Variants in PGRMC2 observed in about 807,000 individuals in gnomAD.
PGRMC2 encodes the protein progesterone receptor membrane component 2.
Under a neutral mutation model 19.3 loss-of-function variants are expected in PGRMC2, and 9 were observed. The observed-to-expected ratio is 0.47, with a 90% CI of 0.28 to 0.81. PGRMC2 has a LOEUF of 0.81. Among genes scored for constraint, PGRMC2 ranks in the 40% least tolerant of loss-of-function variants. The pLI, the probability that PGRMC2 is intolerant of heterozygous loss-of-function variation, is 0.11. For synonymous variants in PGRMC2, 157 were observed against 124.6 expected (o/e 1.26, Z -1.73); for missense variants, 289 against 297.3 (o/e 0.97, Z 0.21).
At chr4:128,279,389 A>C (rs1357790310) in intron 1 of PGRMC2, among the ~76,000 whole-genome samples, 2 of 152,240 alleles carry the variant, frequency 1.3e-5, no homozygotes, top group African/African-American at 2.4e-5. Context: ...AAAGACCAAG[A>C]AGCTTAATAC....
At position 128,287,804 on chromosome 4, in the gene PGRMC2, C is replaced by G. The variant is rs755079553; in HGVS notation, c.-14G>C. 1 of 1,512,970 alleles carries G rather than the reference C, an allele frequency of 6.6e-7. No individual in the cohort carries two copies. Among genetic ancestry groups the G allele is most frequent in the East Asian group, 2.3e-5 (1 of 43,354 alleles). The allele number at this position is 1,512,970 out of a possible 1,614,324, so 93.7% of individuals were successfully genotyped here. A position where few individuals can be genotyped will look rare whatever the true frequency, so the allele number is the denominator to read the frequency against. On this transcript the variant is annotated 5_prime_UTR_variant, in exon 1 of 3. Transcript: ENST00000296425. ...ACCAGCCGCCATCACTGCCCGCCAG[C>G]GCCTTCCTCCTCCTCCCCGCCCCCT...
In PGRMC2 at chr4:128,271,264, G is replaced by T; in HGVS notation, c.*52C>A. The T allele has an allele frequency of 1.1e-6, 1 of 900,746 alleles. No individual in the cohort carries two copies. The highest frequency in any genetic ancestry group is 1.5e-5 in the South Asian group (1 of 68,674). 55.8% of individuals were successfully genotyped at this position (900,746 alleles called of 1,614,324 possible). A position where few individuals can be genotyped will look rare whatever the true frequency, so the allele number is the denominator to read the frequency against. On this transcript the variant is annotated 3_prime_UTR_variant, in exon 3 of 3. Transcript: ENST00000296425. ...CAAAGACTCCGGACAGTCTGTGAAA[G>T]GGAGTAAGAATTGCAGTTCTGAAGG...
At chr4:128,287,346 C>T (rs1760999845) in intron 1 of PGRMC2, 27 bp downstream of exon 1, 2 of 1,573,916 alleles carry the variant, frequency 1.3e-6, no homozygotes, top group Non-Finnish European at 1.7e-6. Flanking sequence ...TGCAGGGGGT[C>T]CTTCCCCTCC....
chr4:128,279,909 C>T (rs1257888746), intron 1 of PGRMC2, among the ~76,000 whole-genome samples: 2 of 152,136 alleles, frequency 1.3e-5, no homozygotes, highest in Non-Finnish European at 2.9e-5. Flanking sequence ...GGGAAGTAGA[C>T]TTATTTTTCA....
In PGRMC2 at chr4:128,287,776, A is replaced by G. The variant is rs1578889789; in HGVS notation, c.15T>C (p.Asp5=). The part of the protein sequence containing the change: MAAG[D]GDVKLGTLGS... The stretch of plus-strand genomic sequence containing the variant: ...CCAGGGTGCCTAGCTTCACGTCCCC[A>G]TCACCAGCCGCCATCACTGCCCGCC... The change falls in exon 1 of 3, where the codon GAT becomes GAC. Residue 5 remains aspartate, a synonymous_variant. Coordinates refer to ENST00000296425, the MANE Select transcript of PGRMC2 (RefSeq NM_006320.6). 2 of 1,481,920 alleles carry G rather than the reference A, an allele frequency of 1.3e-6. No homozygotes were observed. Among genetic ancestry groups the G allele is most frequent in the East Asian group, 2.3e-5 (1 of 43,270 alleles). 91.8% of individuals were successfully genotyped at this position (1,481,920 alleles called of 1,614,324 possible). A position where few individuals can be genotyped will look rare whatever the true frequency, so the allele number is the denominator to read the frequency against.
rs1175878982 is a variant in PGRMC2, at chr4:128,287,509, A to G, written c.282T>C (p.Ser94=). 1.4e-5 allele frequency: 23 copies of G among 1,610,768 alleles called. No homozygotes were observed. Among genetic ancestry groups the G allele is most frequent in the Non-Finnish European group, 1.9e-5 (22 of 1,178,784 alleles). The stretch of plus-strand genomic sequence containing the variant: ...AGTCCCGCTTCTTCATGCGAGGCAG[A>G]GAGGTGGCGGGGCTCTCCTCGCCCG... ...AGAGEESPAT[S]LPRMKKRDFS... Residue 94 remains serine (S), a synonymous_variant, in exon 1 of 3, where the codon TCT becomes TCC. Transcript: ENST00000296425.
intron 1 of PGRMC2, among the ~76,000 whole-genome samples, chr4:128,274,337 C>T (rs1760774232): frequency 6.6e-6 from 1 of 151,912 alleles, no homozygotes; most frequent in African/African-American, 2.4e-5. Context: ...ATGGTGAAAC[C>T]TCATCTCTAC....
intron 1 of PGRMC2, among the ~76,000 whole-genome samples, chr4:128,284,862 A>AT (rs1266771198): frequency 3.3e-5 from 5 of 152,196 alleles, no homozygotes; most frequent in Admixed American, 2.6e-4. Context: ...TACTTATTAC[A>AT]TTTTCTATTA....
At chr4:128,283,451 A>T (rs995206937) in intron 1 of PGRMC2, among the ~76,000 whole-genome samples, 10 of 152,212 alleles carry the variant, frequency 6.6e-5, no homozygotes. Flanking sequence ...GTGCCTTGTT[A>T]GTGCAGTAGG....
intron 1 of PGRMC2, among the ~76,000 whole-genome samples, chr4:128,275,425 T>C (rs1760795220): frequency 6.6e-6 from 1 of 152,122 alleles, no homozygotes; most frequent in Non-Finnish European, 1.5e-5. Flanking sequence ...TGAATAATAA[T>C]AATAAAAAAT....
Position 128,271,295 on chromosome 4 carries a change from G to A in PGRMC2, c.*21C>T. On this transcript the variant is annotated 3_prime_UTR_variant, in exon 3 of 3. Transcript: ENST00000296425. ...AAGAATTGCAGTTCTGAAGGCCCCTGACTTTGGTTGTTTACAAAGTTCAAT... is the reference window on the plus strand; with the variant it reads ...AAGAATTGCAGTTCTGAAGGCCCCTAACTTTGGTTGTTTACAAAGTTCAAT... 7.4e-7 allele frequency: 1 copy of A among 1,358,676 alleles called. No individual in the cohort carries two copies. The highest frequency in any genetic ancestry group is 1.0e-6 in the Non-Finnish European group (1 of 953,280). 84.2% of individuals were successfully genotyped at this position (1,358,676 alleles called of 1,614,324 possible). A position where few individuals can be genotyped will look rare whatever the true frequency, so the allele number is the denominator to read the frequency against.
At chr4:128,277,870 T>C (rs950104821) in intron 1 of PGRMC2, among the ~76,000 whole-genome samples, 4 of 152,204 alleles carry the variant, frequency 2.6e-5, no homozygotes, top group African/African-American at 7.2e-5. Context: ...CAAGTCTCGA[T>C]TTCCATAGTC....
At chr4:128,273,016 G>A (rs147902590) in intron 1 of PGRMC2, 2 of 152,246 alleles carry the variant, frequency 1.3e-5, no homozygotes, top group African/African-American at 4.8e-5. Context: ...GTAATTCTAT[G>A]AGAAAAGAGA....
intron 1 of PGRMC2, among the ~76,000 whole-genome samples, chr4:128,285,972 A>C (rs973465681): frequency 7.2e-5 from 11 of 152,214 alleles, no homozygotes; most frequent in African/African-American, 2.6e-4. Flanking sequence ...CTAAGAAATA[A>C]ATTACATAAT....
rs1013483918 is a variant in PGRMC2, at chr4:128,287,615, G to A, written c.176C>T (p.Ala59Val). Reference protein sequence around the residue: ...TGGGEMLLNVALVALVLLGAY... With the variant: ...TGGGEMLLNVVLVALVLLGAY... The stretch of plus-strand genomic sequence containing the variant: ...CCCCAGCAGCACCAGAGCCACCAGC[G>A]CCACGTTCAGCAGCATTTCCCCGCC... The change falls in exon 1 of 3, where the codon GCG (alanine) becomes GTG (valine). Residue 59 changes from alanine to valine, a missense_variant. By Grantham distance (64) the Ala-to-Val change is moderately conservative (BLOSUM62 0). Coordinates refer to ENST00000296425, the MANE Select transcript of PGRMC2 (RefSeq NM_006320.6). 1.2e-5 allele frequency: 16 copies of A among 1,352,226 alleles called. No individual in the cohort carries two copies. Among genetic ancestry groups the A allele is most frequent in the East Asian group, 4.2e-5 (1 of 23,990 alleles). The allele number at this position is 1,352,226 out of a possible 1,614,324, so 83.8% of individuals were successfully genotyped here.
At chr4:128,282,990 T>C (rs1760931357) in intron 1 of PGRMC2, among the ~76,000 whole-genome samples, 1 of 152,186 alleles carries the variant, frequency 6.6e-6, no homozygotes, top group Non-Finnish European at 1.5e-5. Flanking sequence ...CTTTGGTATA[T>C]GTCAAAGAAT....
chr4:128,271,697 A>T (rs1760732535), intron 2 of PGRMC2, among the ~76,000 whole-genome samples: 1 of 152,176 alleles, frequency 6.6e-6, no homozygotes, highest in African/African-American at 2.4e-5. Flanking sequence ...TCACTTGGAG[A>T]TCTTTTTTAA....
chr4:128,275,612 T>C (rs1760798301), intron 1 of PGRMC2, among the ~76,000 whole-genome samples: 1 of 152,186 alleles, frequency 6.6e-6, no homozygotes, highest in African/African-American at 2.4e-5. Context: ...CCCTAAACTA[T>C]ATTAAGCTGT....
chr4:128,271,437 T>G, intron 2 of PGRMC2, 24 bp from the exon 3 acceptor site: 1 of 1,236,100 alleles, frequency 8.1e-7, no homozygotes, highest in Non-Finnish European at 1.2e-6. Context: ...CAAAAGAAAA[T>G]CAGTGGTGAT....
Sources: gnomAD v4.1 joint callset for allele counts (sites outside exome capture counted in the v4.1 genomes callset) on GRCh38, gnomAD v4.1.1 for gene constraint, MANE v1.5 for transcripts, NCBI Gene and HGNC (gene_info 2026-07-23, HGNC 2026-07-21) for gene names.